Variants in ROCK1 observed in about 807,000 individuals in gnomAD.
ROCK1 encodes Rho associated coiled-coil containing protein kinase 1, also known as rho-associated protein kinase 1.
Under a neutral mutation model 196.8 loss-of-function variants are expected in ROCK1, and 36 were observed. That is an observed-to-expected ratio of 0.18 (90% CI 0.14 to 0.24). The LOEUF (loss-of-function observed/expected upper bound fraction) is 0.24, where lower values mean the gene tolerates loss of function less well. Ranked by LOEUF, ROCK1 falls within the 10% of genes least tolerant of loss-of-function variation. The pLI, the probability that ROCK1 is intolerant of heterozygous loss-of-function variation, is 1.00. For missense variants in ROCK1, 920 were observed against 1,562.0 expected (o/e 0.59, Z 6.93); for synonymous variants, 443 against 515.9 (o/e 0.86, Z 1.91).
chr18:20,989,978 C>T (rs1402386000), intron 18 of ROCK1, among the ~76,000 whole-genome samples: 1 of 152,118 alleles, frequency 6.6e-6, no homozygotes, highest in Non-Finnish European at 1.5e-5. Context: ...CATGGTGGCT[C>T]ATGCCTGTAA....
chr18:21,076,572 A>G (rs1568402964), intron 1 of ROCK1, among the ~76,000 whole-genome samples: 1 of 152,132 alleles, frequency 6.6e-6, no homozygotes, highest in Non-Finnish European at 1.5e-5. Context: ...ATATATACAC[A>G]CATAAAAATT....
chr18:20,969,417 T>G (rs575082808), intron 23 of ROCK1: 6 of 395,590 alleles, frequency 1.5e-5, no homozygotes, highest in African/African-American at 2.1e-5. Flanking sequence ...TGTATGCATA[T>G]AGATATATGT....
chr18:21,109,136 C>T (rs2036727496), intron 1 of ROCK1, among the ~76,000 whole-genome samples: 1 of 152,196 alleles, frequency 6.6e-6, no homozygotes, highest in African/African-American at 2.4e-5. Flanking sequence ...ATTATCTAAA[C>T]AATCATCTGG....
intron 27 of ROCK1, among the ~76,000 whole-genome samples, chr18:20,961,287 C>A (rs773024840): frequency 6.6e-6 from 1 of 151,962 alleles, no homozygotes; most frequent in Non-Finnish European, 1.5e-5. Context: ...ATATATTGTC[C>A]GCCTTCATAT....
At chr18:21,041,008 C>G (rs549822591) in intron 8 of ROCK1, among the ~76,000 whole-genome samples, 1 of 151,972 alleles carries the variant, frequency 6.6e-6, no homozygotes, top group South Asian at 2.1e-4. Flanking sequence ...GTAGTCACAG[C>G]TACTTGGGAG....
chr18:20,987,029 G>C lies in ROCK1; in HGVS notation c.2225C>G (p.Ser742Cys). 1 of 1,612,256 alleles carries C rather than the reference G, an allele frequency of 6.2e-7. No homozygotes were observed. The highest frequency in any genetic ancestry group is 8.5e-7 in the Non-Finnish European group (1 of 1,179,418). Reference sequence around the variant, plus strand: ...TTGCTTCAGATCAACGTCTAGCATGGAACACTGTTTCTCAATCTGAACAAC... The same window carrying C: ...TTGCTTCAGATCAACGTCTAGCATGCAACACTGTTTCTCAATCTGAACAAC... ...NRVVQIEKQC[S>C]MLDVDLKQSQ... is the part of the protein sequence containing the mutation. Residue 742 changes from serine (S) to cysteine (C), a missense_variant, in exon 19 of 33, where the codon TCC becomes TGC. Around this residue, in one of 6 missense-constraint regions of ROCK1, gnomAD observed 520 missense variants for 657.1 expected, o/e 0.79. Coordinates refer to ENST00000399799, the MANE Select transcript of ROCK1 (RefSeq NM_005406.3).
chr18:21,111,250 C>A lies in ROCK1; in HGVS notation c.-340G>T. ...CCGGCCGCCGTCGCCATGGAGGGGTCCCCGTCCCGAGATGGGCAGGAGCGG... is the reference window on the plus strand; with the variant it reads ...CCGGCCGCCGTCGCCATGGAGGGGTACCCGTCCCGAGATGGGCAGGAGCGG... On this transcript the variant is annotated 5_prime_UTR_variant, in exon 1 of 33. Coordinates refer to ENST00000399799, the MANE Select transcript of ROCK1 (RefSeq NM_005406.3). The surrounding 1 kb of genome is among the most constrained non-coding windows in gnomAD (Gnocchi z 4.2). 1 of 479,008 alleles carries A rather than the reference C, an allele frequency of 2.1e-6. No homozygotes were observed. Among genetic ancestry groups the A allele is most frequent in the South Asian group, 3.9e-5 (1 of 25,378 alleles). 29.7% of individuals were successfully genotyped at this position (479,008 alleles called of 1,614,324 possible).
At chr18:20,973,499 A>G (rs1405129483) in intron 22 of ROCK1, among the ~76,000 whole-genome samples, 2 of 151,938 alleles carry the variant, frequency 1.3e-5, no homozygotes, top group Non-Finnish European at 1.5e-5. Flanking sequence ...GCTGGTAGCG[A>G]ACTCTTGACC....
intron 16 of ROCK1, among the ~76,000 whole-genome samples, chr18:20,998,078 C>T (rs1251804091): frequency 2.0e-5 from 3 of 152,076 alleles, no homozygotes; most frequent in Admixed American, 6.5e-5. Context: ...CTCAAGTGAT[C>T]CACCCGCCTC....
chr18:20,990,505 C>T (rs184962460), intron 18 of ROCK1, among the ~76,000 whole-genome samples: 1 of 151,222 alleles, frequency 6.6e-6, no homozygotes, highest in Admixed American at 6.6e-5. Flanking sequence ...ACCAGCCTGT[C>T]CAACATAGTG....
chr18:21,031,250 A>T (rs2036003597), intron 9 of ROCK1, among the ~76,000 whole-genome samples: 1 of 152,230 alleles, frequency 6.6e-6, no homozygotes, highest in South Asian at 2.1e-4. Flanking sequence ...GTTTACAACA[A>T]AAAATTACAA....
At chr18:20,980,775 G>A (rs565080885) in intron 21 of ROCK1, among the ~76,000 whole-genome samples, 1 of 152,034 alleles carries the variant, frequency 6.6e-6, no homozygotes, top group Admixed American at 6.5e-5. Flanking sequence ...AATTAGCTGG[G>A]CGTGGTGGCA....
chr18:20,985,626 C>T (rs1350803038), intron 19 of ROCK1, among the ~76,000 whole-genome samples: 2 of 152,154 alleles, frequency 1.3e-5, no homozygotes, highest in Non-Finnish European at 2.9e-5. Context: ...CAGGACCATA[C>T]CTATATCTTA....
intron 1 of ROCK1, among the ~76,000 whole-genome samples, chr18:21,088,307 A>G (rs1447399925): frequency 1.3e-5 from 2 of 152,158 alleles, no homozygotes; most frequent in African/African-American, 4.8e-5. Flanking sequence ...CCATCTGGGT[A>G]ACAATAGAAA....
chr18:20,959,087 T>TA (rs1568367376), intron 29 of ROCK1, among the ~76,000 whole-genome samples: 14 of 30,294 alleles, frequency 4.6e-4, no homozygotes, highest in African/African-American at 2.7e-3. Flanking sequence ...TATATATATT[T>TA]TATATAATAT....
At chr18:21,082,400 T>C (rs2036490132) in intron 1 of ROCK1, among the ~76,000 whole-genome samples, 1 of 152,074 alleles carries the variant, frequency 6.6e-6, no homozygotes, top group African/African-American at 2.4e-5. Flanking sequence ...TCAGAGTTTA[T>C]GAAACATATG....
At chr18:21,001,633 C>CAG (rs2035725238) in intron 16 of ROCK1, among the ~76,000 whole-genome samples, 1 of 151,844 alleles carries the variant, frequency 6.6e-6, no homozygotes, top group African/African-American at 2.4e-5. Flanking sequence ...GGCATGGTGG[C>CAG]GCATGCCTGT....
chr18:20,959,103 T>TTATATATATATTATATAATATATAA (rs2035292546), intron 29 of ROCK1, among the ~76,000 whole-genome samples: 6 of 17,534 alleles, frequency 3.4e-4, no homozygotes, highest in Non-Finnish European at 5.4e-4. Flanking sequence ...AATATATATA[T>TTATATATATATTATATAATATATAA]TATATATATA....
At chr18:21,015,330 TTTCAAACTACAGAA>T (rs1440106693) in intron 13 of ROCK1, 87 bp downstream of exon 13, 6 of 822,298 alleles carry the variant, frequency 7.3e-6, no homozygotes, top group Non-Finnish European at 1.2e-5. Context: ...CTGTTTTGTG[TTTCAAACTACAGAA>T]TTCAAATACA....
Sources: allele counts gnomAD v4.1 joint callset (sites outside exome capture counted in the v4.1 genomes callset), GRCh38; gene constraint gnomAD v4.1.1; regional missense constraint gnomAD v4.1.1; non-coding constraint Gnocchi (gnomAD v3.1); transcripts MANE v1.5; gene names NCBI Gene and HGNC (gene_info 2026-07-23, HGNC 2026-07-21).